MYO16: variants seen among roughly 807,000 people sequenced by gnomAD.
The protein encoded by MYO16 is unconventional myosin-XVI.
MYO16 carries 94 observed loss-of-function variants against 205.3 expected under a neutral mutation model. That is an observed-to-expected ratio of 0.46 (90% CI 0.39 to 0.54). The LOEUF (loss-of-function observed/expected upper bound fraction) is 0.54. MYO16 is among the 20% of genes least tolerant of loss of function. MYO16 has a pLI of 0.00. For missense variants in MYO16, 2,315 were observed against 2,387.5 expected (o/e 0.97, Z 0.63); for synonymous variants, 988 against 954.0 (o/e 1.04, Z -0.66).
At chr13:108,745,543 A>G (rs1338020582) in intron 4 of MYO16, among the ~76,000 whole-genome samples, 15 of 152,206 alleles carry the variant, frequency 9.9e-5, no homozygotes, top group South Asian at 2.1e-4. Flanking sequence ...TACAGCAAAC[A>G]TTAAACACAG....
In MYO16 at chr13:108,655,749, A is replaced by G. The variant is rs138119228; in HGVS notation, c.29-10137A>G. Among the ~76,000 whole-genome samples, 458 of 152,256 alleles carry G rather than the reference A, an allele frequency of 3.0e-3. 1 individual carries two copies. The highest frequency in any genetic ancestry group is 9.6e-3 in the African/African-American group (399 of 41,550). On this transcript the variant is annotated intron_variant, in intron 1 of 34. Coordinates refer to ENST00000457511, the MANE Select transcript of MYO16 (RefSeq NM_001198950.3). ...CTATGGGAACCTACCTCTTGCATCAATGTGACCTGGATGTGAGACCTGGAG... is the reference window on the plus strand; with the variant it reads ...CTATGGGAACCTACCTCTTGCATCAGTGTGACCTGGATGTGAGACCTGGAG...
chr13:109,171,497 T>G (rs1878920788), intron 33 of MYO16, among the ~76,000 whole-genome samples: 1 of 152,370 alleles, frequency 6.6e-6, no homozygotes, highest in Admixed American at 6.5e-5. Context: ...ATTATCTGTT[T>G]GTTCATTTGT....
intron 10 of MYO16, among the ~76,000 whole-genome samples, chr13:108,854,599 C>T (rs1316184033): frequency 4.0e-5 from 6 of 151,796 alleles, no homozygotes; most frequent in African/African-American, 1.5e-4. Flanking sequence ...TAAAAATTTA[C>T]TAGGAGTATC....
At chr13:108,846,944 A>T (rs1877555081) in intron 10 of MYO16, among the ~76,000 whole-genome samples, 1 of 152,120 alleles carries the variant, frequency 6.6e-6, no homozygotes. Flanking sequence ...ATTTCTATTA[A>T]TTTGCTTTCA....
chr13:108,537,634 C>T, the MYO16 span, among the ~76,000 whole-genome samples: 2,022 of 152,080 alleles, frequency 0.013, 47 homozygotes, highest in African/African-American at 0.046. Context: ...TAAGCATTTC[C>T]TTTTCTCTGA....
intron 23 of MYO16, among the ~76,000 whole-genome samples, chr13:109,037,250 G>A (rs7333707): frequency 0.37 from 56,911 of 152,052 alleles, 11,554 homozygotes; most frequent in East Asian, 0.83. Context: ...TTCTCTATGC[G>A]AAGTTATTGC....
At chr13:108,609,530 G>C (rs895658372) in intron 1 of MYO16, among the ~76,000 whole-genome samples, 1 of 152,164 alleles carries the variant, frequency 6.6e-6, no homozygotes, top group Non-Finnish European at 1.5e-5. Context: ...AAGCTGATGA[G>C]TAAATGTAGT....
intron 16 of MYO16, among the ~76,000 whole-genome samples, chr13:108,926,576 G>A (rs1458050877): frequency 6.6e-6 from 1 of 152,112 alleles, no homozygotes; most frequent in African/African-American, 2.4e-5. Context: ...GGACTCTCCC[G>A]AGGGCTTCAT....
chr13:108,685,385 A>C (rs1882637593), intron 2 of MYO16, among the ~76,000 whole-genome samples: 1 of 152,132 alleles, frequency 6.6e-6, no homozygotes, highest in Admixed American at 6.5e-5. Flanking sequence ...CAGAACTGGC[A>C]TCTGAAATGG....
chr13:108,911,525 C>T (rs944127881), intron 16 of MYO16, among the ~76,000 whole-genome samples: 4 of 151,986 alleles, frequency 2.6e-5, no homozygotes, highest in Non-Finnish European at 5.9e-5. Context: ...TGAGGGACAA[C>T]ATGAAGGCCA....
intron 27 of MYO16, among the ~76,000 whole-genome samples, chr13:109,088,963 C>G (rs1175543500): frequency 6.6e-6 from 1 of 152,132 alleles, no homozygotes; most frequent in Non-Finnish European, 1.5e-5. Flanking sequence ...GAGTCAGAAA[C>G]TGAGTCCCGT....
At chr13:108,701,966 G>A (rs1003964017) in intron 2 of MYO16, among the ~76,000 whole-genome samples, 1 of 151,926 alleles carries the variant, frequency 6.6e-6, no homozygotes, top group East Asian at 1.9e-4. Context: ...GGCAAAACAA[G>A]CAGTGAATTT....
intron 16 of MYO16, among the ~76,000 whole-genome samples, chr13:108,930,344 A>G (rs1477628808): frequency 1.3e-5 from 2 of 152,186 alleles, no homozygotes; most frequent in Non-Finnish European, 2.9e-5. Context: ...AATCCAGCAT[A>G]TCTATGACAC....
intron 12 of MYO16, among the ~76,000 whole-genome samples, chr13:108,873,049 T>C (rs961017700): frequency 1.3e-5 from 2 of 152,198 alleles, no homozygotes; most frequent in African/African-American, 4.8e-5. Context: ...TAGTAAATAA[T>C]ATCAAGTAGT....
intron 13 of MYO16, among the ~76,000 whole-genome samples, chr13:108,884,131 A>C (rs561758842): frequency 6.6e-6 from 1 of 152,234 alleles, no homozygotes; most frequent in Non-Finnish European, 1.5e-5. Context: ...AACTCAACGG[A>C]TAAGTACAGT....
chr13:109,141,399 C>T lies in MYO16; in HGVS notation c.5164+23C>T, dbSNP rs117959627. ...AAGGTAAGCGGAGCAGACATCCCCC[C>T]ACTCCTTTTGCATGGACGCTGTGCT... is the stretch of plus-strand genomic sequence containing the variant. On this transcript the variant is annotated intron_variant, in intron 32 of 34. Coordinates refer to ENST00000457511, the MANE Select transcript of MYO16 (RefSeq NM_001198950.3). The surrounding 1 kb of genome is among the most constrained non-coding windows in gnomAD (Gnocchi z 4.1). 5 of 1,421,752 alleles carry T rather than the reference C, an allele frequency of 3.5e-6. No homozygotes were observed. The Admixed American group carries it at 8.4e-5, about 24-fold the overall frequency. 88.1% of individuals were successfully genotyped at this position (1,421,752 alleles called of 1,614,324 possible).
intron 6 of MYO16, among the ~76,000 whole-genome samples, chr13:108,799,747 A>G (rs548312009): frequency 3.3e-4 from 51 of 152,284 alleles, no homozygotes; most frequent in African/African-American, 1.2e-3. Context: ...TCCATTCCCA[A>G]CTTAGTGCTG....
intron 20 of MYO16, among the ~76,000 whole-genome samples, chr13:108,974,032 C>A (rs994182137): frequency 6.6e-6 from 1 of 151,888 alleles, no homozygotes; most frequent in Non-Finnish European, 1.5e-5. Flanking sequence ...TGATCTTTAC[C>A]TTGATGCTCT....
At chr13:108,695,625 A>C (rs2076942144) in intron 2 of MYO16, among the ~76,000 whole-genome samples, 1 of 152,148 alleles carries the variant, frequency 6.6e-6, no homozygotes, top group Non-Finnish European at 1.5e-5. Flanking sequence ...AAAATATATT[A>C]GTTATTGTAG....
Sources: gnomAD v4.1 joint callset for allele counts (sites outside exome capture counted in the v4.1 genomes callset) on GRCh38, gnomAD v4.1.1 for gene constraint, Gnocchi (gnomAD v3.1) non-coding constraint, MANE v1.5 for transcripts, NCBI Gene and HGNC (gene_info 2026-07-23, HGNC 2026-07-21) for gene names.